Variants in FOXP2 observed in about 807,000 individuals in gnomAD.
The protein encoded by FOXP2 is forkhead box P2.
Under a neutral mutation model 115.8 loss-of-function variants are expected in FOXP2, and 12 were observed. The ratio of observed to expected loss-of-function variants is 0.10; its 90% CI spans 0.07 to 0.17. FOXP2 has a LOEUF of 0.17. FOXP2 is among the 10% of genes least tolerant of loss of function. The pLI, the probability that FOXP2 is intolerant of heterozygous loss-of-function variation, is 1.00. For synonymous variants in FOXP2, 328 were observed against 297.7 expected (o/e 1.10, Z -1.05); for missense variants, 629 against 843.5 (o/e 0.75, Z 3.15).
At chr7:114,402,002 A>G (rs1792897661) in intron 2 of FOXP2, among the ~76,000 whole-genome samples, 1 of 152,186 alleles carries the variant, frequency 6.6e-6, no homozygotes, top group Non-Finnish European at 1.5e-5. Context: ...CATGCCTGCA[A>G]TCCCAGCTAC....
chr7:114,225,471 G>T (rs1248913053), intron 1 of FOXP2, among the ~76,000 whole-genome samples: 3 of 151,898 alleles, frequency 2.0e-5, no homozygotes, highest in Admixed American at 2.0e-4. Flanking sequence ...TAGAGGCAGG[G>T]TCTTTCTCCA....
At chr7:114,226,812 G>A (rs964293970) in intron 1 of FOXP2, among the ~76,000 whole-genome samples, 2 of 151,988 alleles carry the variant, frequency 1.3e-5, no homozygotes, top group Admixed American at 1.3e-4. Context: ...GCTGAGAACA[G>A]CATCACTGGT....
At chr7:114,191,600 T>G (rs1793763028) in intron 1 of FOXP2, among the ~76,000 whole-genome samples, 1 of 152,232 alleles carries the variant, frequency 6.6e-6, no homozygotes, top group Admixed American at 6.5e-5. Flanking sequence ...ACTTCTTTCT[T>G]TTTTGACTAG....
chr7:114,559,710 G>A (rs557229428), intron 3 of FOXP2, among the ~76,000 whole-genome samples: 103 of 151,930 alleles, frequency 6.8e-4, no homozygotes, highest in African/African-American at 2.4e-3. Context: ...GTGAAACCCC[G>A]TCTCTACTAA....
intron 2 of FOXP2, among the ~76,000 whole-genome samples, chr7:114,524,369 C>A (rs1027225570): frequency 6.6e-6 from 1 of 152,130 alleles, no homozygotes; most frequent in Admixed American, 6.6e-5. Context: ...GCATAACTAG[C>A]AATGCTGTTA....
chr7:114,631,695 G>T lies in FOXP2; in HGVS notation c.765G>T (p.Ser255=), dbSNP rs755863369. The change falls in exon 6 of 17, where the codon TCG becomes TCT. Residue 255 remains serine, a synonymous_variant. Transcript: ENST00000350908. ...PPGQAALPVQ[S]LPQAGLSPAE... ...GCCAGGCAGCACTTCCTGTCCAATC[G>T]CTGCCTCAAGGTACATACAAAATGT... 1 of 1,613,982 alleles carries T rather than the reference G, an allele frequency of 6.2e-7. No individual in the cohort carries two copies. The highest frequency in any genetic ancestry group is 1.1e-5 in the South Asian group (1 of 91,078).
chr7:114,090,972 C>CA (rs1554412586), intron 1 of FOXP2, among the ~76,000 whole-genome samples: 1 of 151,298 alleles, frequency 6.6e-6, no homozygotes, highest in Non-Finnish European at 1.5e-5. Flanking sequence ...AATGCCATCA[C>CA]TTTTTTTTAG....
Position 114,291,935 on chromosome 7 carries a change from A to AAT in FOXP2, c.-11+3833_-11+3834dup, listed in dbSNP as rs369610182. Among the ~76,000 whole-genome samples, 84 of 134,278 alleles carry AAT rather than the reference A, an allele frequency of 6.3e-4. 1 individual carries two copies. The highest frequency in any genetic ancestry group is 2.2e-3 in the African/African-American group (79 of 35,534). The allele number at this position is 134,278 out of a possible 152,430, so 88.1% of individuals were successfully genotyped here. Reference sequence around the variant, plus strand: ...AATATATATTATAGATAATATATAGAATATATATTATAGATAATATATAGA... The same window carrying AAT: ...AATATATATTATAGATAATATATAGAATATATATATTATAGATAATATATAGA... On this transcript the variant is annotated intron_variant, in intron 2 of 17. Coordinates refer to the FOXP2 transcript ENST00000634411.
intron 2 of FOXP2, among the ~76,000 whole-genome samples, chr7:114,318,024 C>A (rs1486499550): frequency 6.6e-6 from 1 of 152,140 alleles, no homozygotes; most frequent in African/African-American, 2.4e-5. Flanking sequence ...CCCTGACAAT[C>A]CTAATTAAAT....
chr7:114,383,530 T>C (rs966919296), intron 2 of FOXP2, among the ~76,000 whole-genome samples: 1 of 152,158 alleles, frequency 6.6e-6, no homozygotes, highest in African/African-American at 2.4e-5. Context: ...GAGTTGTCTC[T>C]TAATGAAAAG....
intron 8 of FOXP2, among the ~76,000 whole-genome samples, chr7:114,646,877 G>C (rs1805937500): frequency 6.6e-6 from 1 of 151,948 alleles, no homozygotes; most frequent in Admixed American, 6.6e-5. Flanking sequence ...AAGAAGGAAA[G>C]CATAATCACT....
At chr7:114,198,362 G>A (rs961949980) in intron 1 of FOXP2, among the ~76,000 whole-genome samples, 6 of 152,100 alleles carry the variant, frequency 3.9e-5, no homozygotes, top group Admixed American at 1.3e-4. Flanking sequence ...CTCTCTAGTG[G>A]TCCCCAACAT....
rs1255090322 is a variant in FOXP2, at chr7:114,691,314, C to A, written c.*1388C>A. The A allele has an allele frequency of 2.2e-6, 1 of 452,524 alleles. No individual in the cohort carries two copies. The highest frequency in any genetic ancestry group is 2.4e-5 in the Admixed American group (1 of 42,310). 28.0% of individuals were successfully genotyped at this position (452,524 alleles called of 1,614,324 possible). ...CCAAACATAAAAGGTCTAGTAAAGC[C>A]AAAAATTAATTTCATATTGATTTTA... On this transcript the variant is annotated 3_prime_UTR_variant, in exon 17 of 17. Coordinates refer to ENST00000350908, the MANE Select transcript of FOXP2 (RefSeq NM_014491.4).
Position 114,441,222 on chromosome 7 carries a change from T to G in FOXP2, c.168+14543T>G, listed in dbSNP as rs949394201. 1.8e-4 allele frequency among the ~76,000 whole-genome samples: 28 copies of G among 151,612 alleles called. No individual in the cohort carries two copies. The South Asian group carries it at 5.6e-3, about 31-fold the overall frequency. On this transcript the variant is annotated intron_variant, in intron 2 of 16. Transcript: ENST00000350908. ...CAGCACTTTGGGAGGCTGAGGCGGG[T>G]GGATCACCTGAGATCAAGAGTTCAA...
chr7:114,583,158 A>G (rs796277292), intron 3 of FOXP2, among the ~76,000 whole-genome samples: 3 of 152,118 alleles, frequency 2.0e-5, no homozygotes, highest in African/African-American at 7.2e-5. Context: ...CAGGCAGATC[A>G]TTTGAGGTCA....
intron 7 of FOXP2, among the ~76,000 whole-genome samples, 189 bp downstream of exon 7, chr7:114,642,812 A>ATTT (rs869136743): frequency 0.012 from 889 of 72,044 alleles, 30 homozygotes; most frequent in South Asian, 0.021. Context: ...ATATATATAT[A>ATTT]TTTTTTTTTT....
At chr7:114,245,082 A>G (rs1795248618) in intron 1 of FOXP2, among the ~76,000 whole-genome samples, 1 of 152,164 alleles carries the variant, frequency 6.6e-6, no homozygotes, top group African/African-American at 2.4e-5. Context: ...CTTTATATAT[A>G]CATTCTATTT....
At chr7:114,270,231 C>CATCTT (rs1270323280) in intron 1 of FOXP2, among the ~76,000 whole-genome samples, 1 of 152,148 alleles carries the variant, frequency 6.6e-6, no homozygotes, top group African/African-American at 2.4e-5. Context: ...TACTGAAGGA[C>CATCTT]ATCTTGCTAG....
intron 1 of FOXP2, chr7:114,416,137 G>A (rs1357781127): frequency 6.6e-6 from 1 of 151,950 alleles, no homozygotes; most frequent in Non-Finnish European, 1.5e-5. Flanking sequence ...CTTCAAAAAA[G>A]CGTCTCAGAA....
Sources: gnomAD v4.1 joint callset for allele counts (sites outside exome capture counted in the v4.1 genomes callset) on GRCh38, gnomAD v4.1.1 for gene constraint, MANE v1.5 for transcripts, NCBI Gene and HGNC (gene_info 2026-07-23, HGNC 2026-07-21) for gene names.